The following SRPK2 variants were observed in gnomAD, a reference collection of about 807,000 sequenced individuals.
The protein encoded by SRPK2 is SFRS protein kinase 2.
Under a neutral mutation model 90.8 loss-of-function variants are expected in SRPK2, and 21 were observed. That is an observed-to-expected ratio of 0.23 (90% CI 0.16 to 0.33). The LOEUF (loss-of-function observed/expected upper bound fraction) is 0.33. Among genes scored for constraint, SRPK2 ranks in the 10% least tolerant of loss-of-function variants. The probability of loss-of-function intolerance (pLI) is 1.00; values close to 1 mark genes in which losing one functional copy is unlikely to be tolerated. For synonymous variants in SRPK2, 288 were observed against 311.1 expected, an observed-to-expected ratio of 0.93 and a Z score of 0.78; for missense variants, 620 against 869.0, an observed-to-expected ratio of 0.71 and a Z score of 3.60.
At position 105,117,788 on chromosome 7, in the gene SRPK2, A is replaced by T. The variant is rs1370929668; in HGVS notation, c.*50T>A. On this transcript the variant is annotated 3_prime_UTR_variant, in exon 16 of 16. Coordinates refer to ENST00000393651, the MANE Select transcript of SRPK2 (RefSeq NM_182692.3). Reference sequence around the variant, plus strand: ...AGAATGAGAGTCACCGTTTAGGTCCAATGTACTGGGAACATTTGCTAGCTC... The same window carrying T: ...AGAATGAGAGTCACCGTTTAGGTCCTATGTACTGGGAACATTTGCTAGCTC... 6.3e-7 allele frequency: 1 copy of T among 1,588,248 alleles called. No homozygotes were observed. The highest frequency in any genetic ancestry group is 1.7e-5 in the Admixed American group (1 of 59,718).
At position 105,224,632 on chromosome 7, in the gene SRPK2, T is replaced by A. The variant is rs191867664; in HGVS notation, c.72-20847A>T. 8.6e-4 allele frequency among the ~76,000 whole-genome samples: 131 copies of A among 152,206 alleles called. 3 individuals are homozygous for A. The highest frequency in any genetic ancestry group is 3.0e-3 in the African/African-American group (125 of 41,542). Reference sequence around the variant, plus strand: ...CTAAAAATAATAATAATAATAACTTTAAGATATTTTAATTATCCAGTAAAT... The same window carrying A: ...CTAAAAATAATAATAATAATAACTTAAAGATATTTTAATTATCCAGTAAAT... On this transcript the variant is annotated intron_variant, in intron 2 of 15. Transcript: ENST00000393651.
Position 105,396,808 on chromosome 7 carries a change from AAGAAAGAG to A in SRPK2, n.153+2340_153+2347del, listed in dbSNP as rs1414037648. ...AAAGAAAGAAAGAGAAAGAGAAAGA[AAGAAAGAG>A]AGAAAGAGAGAGAGAGAGAGAAAGA... is the stretch of plus-strand genomic sequence containing the variant. On this transcript the variant is annotated intron_variant and non_coding_transcript_variant, in intron 1 of 3. Transcript: ENST00000462282. 9.0e-4 allele frequency among the ~76,000 whole-genome samples: 93 copies of A among 103,276 alleles called. No homozygotes were observed. The Middle Eastern group carries it at 0.013, about 15-fold the overall frequency. The allele number at this position is 103,276 out of a possible 152,430, so 67.8% of individuals were successfully genotyped here. A position where few individuals can be genotyped will look rare whatever the true frequency, so the allele number is the denominator to read the frequency against.
chr7:105,207,587 T>C (rs1796369202), intron 2 of SRPK2, among the ~76,000 whole-genome samples: 1 of 152,176 alleles, frequency 6.6e-6, no homozygotes, highest in Admixed American at 6.5e-5. Context: ...GGTAAAAGAA[T>C]AGTCTTTTCA....
rs1382850242 is a variant in SRPK2, at chr7:105,282,818, A to G, written c.72-79033T>C. Among the ~76,000 whole-genome samples the G allele has an allele frequency of 2.0e-5, 3 of 152,188 alleles. No individual in the cohort carries two copies. The East Asian group carries it at 5.8e-4, about 29-fold the overall frequency. ...AATAAAATACATTAAATTATAAAATAAAATAAAATGCATTATCAAGAAAGT... is the reference window on the plus strand; with the variant it reads ...AATAAAATACATTAAATTATAAAATGAAATAAAATGCATTATCAAGAAAGT... On this transcript the variant is annotated intron_variant, in intron 2 of 15. Coordinates refer to ENST00000393651, the MANE Select transcript of SRPK2 (RefSeq NM_182692.3).
intron 2 of SRPK2, among the ~76,000 whole-genome samples, chr7:105,369,025 G>T (rs941646380): frequency 1.4e-4 from 21 of 151,940 alleles, no homozygotes; most frequent in African/African-American, 4.8e-4. Flanking sequence ...TGGACAAGGG[G>T]AAGGCCAGGC....
intron 2 of SRPK2, among the ~76,000 whole-genome samples, chr7:105,291,492 G>T (rs1169727244): frequency 6.6e-6 from 1 of 152,186 alleles, no homozygotes; most frequent in East Asian, 1.9e-4. Flanking sequence ...ACTTTGTGAG[G>T]CCGAGGCAGG....
At chr7:105,270,290 T>G (rs1275575188) in intron 2 of SRPK2, among the ~76,000 whole-genome samples, 1 of 152,270 alleles carries the variant, frequency 6.6e-6, no homozygotes, top group East Asian at 1.9e-4. Flanking sequence ...GAGACTCACC[T>G]TGAGGATCAG....
At chr7:105,179,643 G>A (rs180697672) in intron 3 of SRPK2, among the ~76,000 whole-genome samples, 5 of 151,902 alleles carry the variant, frequency 3.3e-5, no homozygotes, top group Admixed American at 1.3e-4. Flanking sequence ...TGGCCATCAT[G>A]GTGAAACCGC....
At position 105,294,677 on chromosome 7, in the gene SRPK2, C is replaced by T. The variant is rs186457769; in HGVS notation, c.72-90892G>A. Among the ~76,000 whole-genome samples the T allele has an allele frequency of 1.9e-3, 289 of 152,136 alleles. 2 individuals are homozygous for T. The highest frequency in any genetic ancestry group is 6.3e-3 in the African/African-American group (262 of 41,510). On this transcript the variant is annotated intron_variant, in intron 2 of 15. Coordinates refer to ENST00000393651, the MANE Select transcript of SRPK2 (RefSeq NM_182692.3). ...AGCAGCTGGGATTATAGACGCGCAC[C>T]ACCATGCCTGGCTAATTTTTCTATT... is the stretch of plus-strand genomic sequence containing the variant.
intron 15 of SRPK2, among the ~76,000 whole-genome samples, chr7:105,125,207 T>C (rs1801016111): frequency 1.3e-5 from 2 of 152,108 alleles, no homozygotes; most frequent in Admixed American, 1.3e-4. Context: ...TTGGGTGTTT[T>C]TATAAATTAC....
chr7:105,342,010 T>C (rs2385557), intron 2 of SRPK2, among the ~76,000 whole-genome samples: 66,714 of 151,078 alleles, frequency 0.44, 16,119 homozygotes, highest in Non-Finnish European at 0.54. Flanking sequence ...ATGCCTGTAA[T>C]CCCAGCACTT....
chr7:105,323,841 G>GA (rs1053588789), intron 2 of SRPK2, among the ~76,000 whole-genome samples: 7 of 152,176 alleles, frequency 4.6e-5, no homozygotes, highest in Admixed American at 1.3e-4. Flanking sequence ...CTAACTGGGT[G>GA]AAAAAATTCA....
intron 2 of SRPK2, among the ~76,000 whole-genome samples, chr7:105,319,793 T>C (rs1163672649): frequency 6.6e-6 from 1 of 151,904 alleles, no homozygotes; most frequent in East Asian, 1.9e-4. Flanking sequence ...CTAAGGCAAA[T>C]GCTGACCTGT....
intron 2 of SRPK2, among the ~76,000 whole-genome samples, chr7:105,333,884 A>T (rs1585754859): frequency 6.6e-6 from 1 of 152,276 alleles, no homozygotes; most frequent in Admixed American, 6.5e-5. Flanking sequence ...CCAGTCATTT[A>T]TATCAGAAAA....
At chr7:105,345,874 C>A (rs1205064357) in intron 2 of SRPK2, among the ~76,000 whole-genome samples, 2 of 152,248 alleles carry the variant, frequency 1.3e-5, no homozygotes, top group African/African-American at 4.8e-5. Flanking sequence ...ACTAGTCACA[C>A]TTCACATGGC....
intron 2 of SRPK2, among the ~76,000 whole-genome samples, chr7:105,258,444 A>G (rs911349760): frequency 4.6e-5 from 7 of 151,880 alleles, no homozygotes; most frequent in South Asian, 4.2e-4. Context: ...AAGAAAGAAA[A>G]AAAGCACAGT....
At chr7:105,144,550 G>GACAT (rs1458422006) in intron 9 of SRPK2, among the ~76,000 whole-genome samples, 1 of 151,948 alleles carries the variant, frequency 6.6e-6, no homozygotes, top group Non-Finnish European at 1.5e-5. Context: ...ATCTAATAAG[G>GACAT]ACATAGTGTT....
intron 13 of SRPK2, among the ~76,000 whole-genome samples, chr7:105,131,212 G>A (rs1191447024): frequency 6.6e-6 from 1 of 152,206 alleles, no homozygotes; most frequent in East Asian, 1.9e-4. Context: ...CAGCCCTGCT[G>A]CTAGTGGCCA....
chr7:105,366,688 C>T (rs149038169), intron 2 of SRPK2, among the ~76,000 whole-genome samples: 3 of 152,252 alleles, frequency 2.0e-5, no homozygotes, highest in African/African-American at 7.2e-5. Context: ...TTTCTTATTG[C>T]AATCCTGCAC....
Sources: allele counts gnomAD v4.1 joint callset (sites outside exome capture counted in the v4.1 genomes callset), GRCh38; gene constraint gnomAD v4.1.1; transcripts MANE v1.5; gene names NCBI Gene and HGNC (gene_info 2026-07-23, HGNC 2026-07-21).